Variants in MYO3B observed in about 807,000 individuals in gnomAD.
MYO3B encodes myosin-IIIb.
Under a neutral mutation model 174.6 loss-of-function variants are expected in MYO3B, and 156 were observed. The observed-to-expected ratio is 0.89, with a 90% CI of 0.78 to 1.02. MYO3B has a LOEUF of 1.02. Ranked by LOEUF, MYO3B falls within the 50% of genes least tolerant of loss-of-function variation. The probability of loss-of-function intolerance (pLI) is 0.00; values close to 1 mark genes in which losing one functional copy is unlikely to be tolerated. For synonymous variants in MYO3B, 563 were observed against 569.1 expected, an observed-to-expected ratio of 0.99 and a Z score of 0.15; for missense variants, 1,632 against 1,639.4, an observed-to-expected ratio of 1.00 and a Z score of 0.08.
intron 32 of MYO3B, among the ~76,000 whole-genome samples, chr2:170,611,367 G>A (rs969274497): frequency 2.0e-5 from 3 of 152,066 alleles, no homozygotes; most frequent in African/African-American, 7.2e-5. Context: ...TTTTTAAAGG[G>A]CAAGGGCCAG....
At chr2:170,542,775 G>T in intron 30 of MYO3B, 131 bp from the exon 31 acceptor site, 1 of 670,884 alleles carries the variant, frequency 1.5e-6, no homozygotes, top group Non-Finnish European at 2.4e-6. Context: ...TTTAACCAAG[G>T]ACTGAAATGG....
chr2:170,601,351 C>G (rs1694497104), intron 32 of MYO3B, among the ~76,000 whole-genome samples: 1 of 152,160 alleles, frequency 6.6e-6, no homozygotes, highest in Non-Finnish European at 1.5e-5. Flanking sequence ...CCAACAAGAA[C>G]CTGCTTTAAA....
intron 28 of MYO3B, among the ~76,000 whole-genome samples, chr2:170,511,984 G>A (rs754594077): frequency 5.9e-5 from 9 of 152,208 alleles, no homozygotes; most frequent in Non-Finnish European, 1.3e-4. Flanking sequence ...GAATTCCCCA[G>A]ACAATGCTGT....
intron 22 of MYO3B, among the ~76,000 whole-genome samples, chr2:170,421,355 G>T (rs2094613375): frequency 6.6e-6 from 1 of 152,158 alleles, no homozygotes; most frequent in Admixed American, 6.5e-5. Flanking sequence ...GTTACTTCTG[G>T]CATCTGAAAT....
At position 170,383,053 on chromosome 2, in the gene MYO3B, A is replaced by G; in HGVS notation, c.1069-20A>G. 1 of 1,454,026 alleles carries G rather than the reference A, an allele frequency of 6.9e-7. No homozygotes were observed. Among genetic ancestry groups the G allele is most frequent in the Non-Finnish European group, 9.7e-7 (1 of 1,035,762 alleles). 90.1% of individuals were successfully genotyped at this position (1,454,026 alleles called of 1,614,324 possible). A position where few individuals can be genotyped will look rare whatever the true frequency, so the allele number is the denominator to read the frequency against. ...GACTGGGAATAATATTTACCTCAATACCATTTATCCTCTTCTTAGGATACA... is the reference window on the plus strand; with the variant it reads ...GACTGGGAATAATATTTACCTCAATGCCATTTATCCTCTTCTTAGGATACA... On this transcript the variant is annotated intron_variant, in intron 10 of 34. Transcript: ENST00000408978.
intron 19 of MYO3B, among the ~76,000 whole-genome samples, chr2:170,403,344 T>C (rs1194910531): frequency 2.0e-5 from 3 of 152,194 alleles, no homozygotes; most frequent in Admixed American, 6.5e-5. Context: ...ATTCGGGACA[T>C]AGGTTCTTAA....
chr2:170,351,989 G>A (rs765051529), intron 8 of MYO3B, among the ~76,000 whole-genome samples: 16 of 152,136 alleles, frequency 1.1e-4, no homozygotes, highest in African/African-American at 9.7e-5. Context: ...GTCTCGCTCC[G>A]TCGCCCAGGC....
intron 22 of MYO3B, among the ~76,000 whole-genome samples, chr2:170,429,331 T>C (rs565407544): frequency 6.6e-6 from 1 of 152,326 alleles, no homozygotes; most frequent in Middle Eastern, 3.4e-3. Context: ...ATGAGTCTCC[T>C]AGTAGCTCGT....
chr2:170,419,478 T>G (rs995503629), intron 22 of MYO3B, among the ~76,000 whole-genome samples: 2 of 152,168 alleles, frequency 1.3e-5, no homozygotes, highest in African/African-American at 2.4e-5. Flanking sequence ...CTGTCACCTC[T>G]TTAAAAACCC....
At chr2:170,417,000 T>C (rs1037741409) in intron 22 of MYO3B, among the ~76,000 whole-genome samples, 1 of 152,016 alleles carries the variant, frequency 6.6e-6, no homozygotes. Context: ...TAATTTTTTT[T>C]GTATTTTTAG....
chr2:170,372,623 G>A (rs1314544230), intron 9 of MYO3B, among the ~76,000 whole-genome samples: 1 of 152,154 alleles, frequency 6.6e-6, no homozygotes, highest in Non-Finnish European at 1.5e-5. Flanking sequence ...CTAATAGTCT[G>A]GTGTGTGATA....
intron 10 of MYO3B, 144 bp downstream of exon 10, chr2:170,382,256 T>C: frequency 1.6e-6 from 1 of 615,668 alleles, no homozygotes; most frequent in East Asian, 2.8e-5. Context: ...TCAGGGAGCA[T>C]TCAGTTGCTG....
At chr2:170,481,360 G>A (rs185942857) in intron 25 of MYO3B, among the ~76,000 whole-genome samples, 83 of 152,286 alleles carry the variant, frequency 5.5e-4, no homozygotes, top group Non-Finnish European at 1.0e-3. Flanking sequence ...CAAGGTGGGT[G>A]GATCACTTGA....
intron 5 of MYO3B, 90 bp from the exon 6 acceptor site, chr2:170,217,229 C>G: frequency 9.2e-7 from 1 of 1,089,166 alleles, no homozygotes. Context: ...GCCTAAAGTA[C>G]TTATTTGGCC....
chr2:170,326,846 A>C (rs1241517357), intron 7 of MYO3B, among the ~76,000 whole-genome samples: 6 of 152,244 alleles, frequency 3.9e-5, no homozygotes, highest in Non-Finnish European at 7.3e-5. Context: ...GCCTGGGGTA[A>C]TAATACCTGA....
At chr2:170,570,459 G>A (rs1009026724) in intron 32 of MYO3B, among the ~76,000 whole-genome samples, 5 of 152,178 alleles carry the variant, frequency 3.3e-5, no homozygotes, top group Non-Finnish European at 5.9e-5. Context: ...TCTCACCGGT[G>A]AGGAAACTGC....
rs1348003046 is a variant in MYO3B, at chr2:170,288,455, T to C, written c.750-46930T>C. On this transcript the variant is annotated intron_variant, in intron 7 of 34. Transcript: ENST00000408978. ...AGATCTTTCACTTCTTTAGTTAGAT[T>C]GATTCCTAGGTATTTCATATTTTTT... Among the ~76,000 whole-genome samples, 5 of 152,024 alleles carry C rather than the reference T, an allele frequency of 3.3e-5. 1 individual carries two copies. The highest frequency in any genetic ancestry group is 7.4e-5 in the Non-Finnish European group (5 of 67,926).
At chr2:170,244,525 A>C (rs1429775111) in intron 7 of MYO3B, among the ~76,000 whole-genome samples, 1 of 152,190 alleles carries the variant, frequency 6.6e-6, no homozygotes, top group Non-Finnish European at 1.5e-5. Flanking sequence ...CTGCCCCACT[A>C]TCAGTGCTCT....
chr2:170,375,929 A>C (rs67510921), intron 9 of MYO3B, among the ~76,000 whole-genome samples: 2 of 152,060 alleles, frequency 1.3e-5, no homozygotes, highest in Admixed American at 1.3e-4. Context: ...ATCTATCTAT[A>C]CCTATATCTG....
Sources: gnomAD v4.1 joint callset for allele counts (sites outside exome capture counted in the v4.1 genomes callset) on GRCh38, gnomAD v4.1.1 for gene constraint, MANE v1.5 for transcripts, NCBI Gene and HGNC (gene_info 2026-07-23, HGNC 2026-07-21) for gene names.